Variants in TCF20 observed in about 807,000 individuals in gnomAD.
TCF20 encodes the protein SPRE-binding protein.
In TCF20, 3 loss-of-function variants were observed where a neutral mutation model predicts 148.6. That is an observed-to-expected ratio of 0.02 (90% CI 0.01 to 0.05). TCF20 has a LOEUF of 0.05. Among genes scored for constraint, TCF20 ranks in the 10% least tolerant of loss-of-function variants. The probability of loss-of-function intolerance (pLI) is 1.00; values close to 1 mark genes in which losing one functional copy is unlikely to be tolerated. For missense variants in TCF20, 2,350 were observed against 2,429.3 expected (o/e 0.97, Z 0.69); for synonymous variants, 1,049 against 909.5 (o/e 1.15, Z -2.76).
rs369817577 is a variant in TCF20 at position 42,210,848 on chromosome 22, T to C, written c.4458A>G (p.Thr1486=). The part of the protein sequence containing the change: ...QGRPDGSLGG[T]APLIFPDSKN... ...TTGAGTCTGGAAAGATTAAAGGTGCTGTTCCACCCAGGGAACCATCTGGTC... is the reference window on the plus strand; with the variant it reads ...TTGAGTCTGGAAAGATTAAAGGTGCCGTTCCACCCAGGGAACCATCTGGTC... Residue 1486 remains threonine, a synonymous_variant, in exon 2 of 6, where the codon ACA becomes ACG. Coordinates refer to ENST00000677622, the MANE Select transcript of TCF20 (RefSeq NM_001378418.1). This position sits in a 1 kb window ranked among gnomAD's most constrained non-coding sequence, Gnocchi z 4.7. The C allele has an allele frequency of 1.2e-6, 2 of 1,614,126 alleles. No individual in the cohort carries two copies. Among genetic ancestry groups the C allele is most frequent in the African/African-American group, 1.3e-5 (1 of 74,932 alleles).
chr22:42,314,237 C>T (rs983997671), intron 1 of TCF20, among the ~76,000 whole-genome samples: 10 of 152,252 alleles, frequency 6.6e-5, no homozygotes, highest in Admixed American at 5.9e-4. Context: ...CTGGAACTGG[C>T]CAGAATCCGT....
At position 42,338,423 on chromosome 22, in the gene TCF20, G is replaced by C. The variant is rs1220718148; in HGVS notation, c.-37+5056C>G. 0.016 allele frequency among the ~76,000 whole-genome samples: 1 copy of C among 64 alleles called. No individual in the cohort carries two copies. Among genetic ancestry groups the C allele is most frequent in the Non-Finnish European group, 0.028 (1 of 36 alleles). The allele number at this position is 64 out of a possible 152,430, so 0.0% of individuals were successfully genotyped here. On this transcript the variant is annotated intron_variant, in intron 1 of 1. Transcript: ENST00000515426. This position sits in a 1 kb window ranked among gnomAD's most constrained non-coding sequence, Gnocchi z 4.0. ...TAAATGGCAGCGCAGAGTCGGGAGG[G>C]GGGTGCCCAGGGGGCCTCAGCAGAG...
intron 1 of TCF20, among the ~76,000 whole-genome samples, chr22:42,312,018 C>G (rs1927545418): frequency 6.6e-6 from 1 of 152,188 alleles, no homozygotes; most frequent in Non-Finnish European, 1.5e-5. Flanking sequence ...TGCCAAAAGG[C>G]AACAGAGAAG....
intron 1 of TCF20, among the ~76,000 whole-genome samples, chr22:42,257,855 C>T (rs1274704040): frequency 1.3e-5 from 2 of 152,194 alleles, no homozygotes; most frequent in Non-Finnish European, 2.9e-5. Context: ...TGAGAGTGCC[C>T]CCCTGCCGCC....
intron 1 of TCF20, among the ~76,000 whole-genome samples, chr22:42,291,134 C>T (rs528213305): frequency 6.6e-6 from 1 of 152,314 alleles, no homozygotes; most frequent in South Asian, 2.1e-4. Flanking sequence ...CTTCTCTGAA[C>T]ATTTTAAGGT....
chr22:42,250,900 G>A (rs1185517805), intron 1 of TCF20, among the ~76,000 whole-genome samples: 1 of 152,226 alleles, frequency 6.6e-6, no homozygotes, highest in African/African-American at 2.4e-5. Context: ...CACATCACAT[G>A]ATGAGGACTG....
chr22:42,203,502 C>T (rs2032577035), intron 2 of TCF20, among the ~76,000 whole-genome samples: 1 of 152,146 alleles, frequency 6.6e-6, no homozygotes, highest in Non-Finnish European at 1.5e-5. Context: ...CTGAAAATTT[C>T]ACTTGATTCC....
chr22:42,170,072 C>T (rs1035547379), intron 3 of TCF20, among the ~76,000 whole-genome samples, 176 bp from the exon 4 acceptor site: 6 of 151,980 alleles, frequency 3.9e-5, no homozygotes, highest in South Asian at 2.1e-4. Context: ...TGATGGATAT[C>T]GGTCACTTAA....
chr22:42,302,076 C>T (rs566156671), intron 1 of TCF20, among the ~76,000 whole-genome samples: 2 of 152,302 alleles, frequency 1.3e-5, no homozygotes, highest in South Asian at 2.1e-4. Context: ...GAGCAAGAGC[C>T]GGCAAAGGAG....
At chr22:42,189,646 T>C (rs1270609776) in intron 2 of TCF20, among the ~76,000 whole-genome samples, 1 of 152,230 alleles carries the variant, frequency 6.6e-6, no homozygotes, top group Non-Finnish European at 1.5e-5. Flanking sequence ...GACTAGGCTT[T>C]ATCAAAGTGA....
intron 1 of TCF20, among the ~76,000 whole-genome samples, chr22:42,314,866 C>G (rs1334690863): frequency 6.6e-6 from 1 of 152,158 alleles, no homozygotes; most frequent in Non-Finnish European, 1.5e-5. Context: ...ACCCCTCCCT[C>G]CAGCCCCGAC....
intron 1 of TCF20, among the ~76,000 whole-genome samples, chr22:42,313,597 CT>C (rs551146210): frequency 5.2e-4 from 62 of 120,292 alleles, no homozygotes; most frequent in East Asian, 2.1e-3. Flanking sequence ...AGAATTCTTT[CT>C]TTTTTTTTTT....
At position 42,279,466 on chromosome 22, in the gene TCF20, C is replaced by T. The variant is rs1025709791; in HGVS notation, c.-37+4361G>A. Among the ~76,000 whole-genome samples the T allele has an allele frequency of 6.6e-6, 1 of 152,148 alleles. No homozygotes were observed. Among genetic ancestry groups the T allele is most frequent in the African/African-American group, 2.4e-5 (1 of 41,426 alleles). On this transcript the variant is annotated intron_variant, in intron 1 of 5. Transcript: ENST00000359486. The surrounding 1 kb of genome is among the most constrained non-coding windows in gnomAD (Gnocchi z 4.3). ...CACTCCAGTCTGGGCAACAGAGCGA[C>T]TCCCTCTCAATAAATAAAATAAAAT...
chr22:42,161,959 G>A (rs933996036), intron 5 of TCF20, among the ~76,000 whole-genome samples: 9 of 140,566 alleles, frequency 6.4e-5, no homozygotes, highest in African/African-American at 2.2e-4. Context: ...CACCATGCTT[G>A]GCTAATGACA....
At chr22:42,301,705 AGGCTGGGGAGACCT>A (rs1351877626) in intron 1 of TCF20, among the ~76,000 whole-genome samples, 1 of 152,212 alleles carries the variant, frequency 6.6e-6, no homozygotes, top group African/African-American at 2.4e-5. Flanking sequence ...CAATGTTTGC[AGGCTGGGGAGACCT>A]GGCTGCGTCC....
intron 2 of TCF20, among the ~76,000 whole-genome samples, chr22:42,195,146 G>A (rs768302757): frequency 6.7e-6 from 1 of 149,098 alleles, no homozygotes; most frequent in Non-Finnish European, 1.5e-5. Flanking sequence ...AACAGGTTTG[G>A]TGGTGATTCA....
Position 42,332,037 on chromosome 22 carries a change from T to G in TCF20, c.-37+11442A>C, listed in dbSNP as rs112167486. ...ACAGATGACAGGAAGGAAGAGTGAG[T>G]GAACCAACGAAAGGCACCGGGGTCC... On this transcript the variant is annotated intron_variant, in intron 1 of 1. Transcript: ENST00000515426. 2.3e-3 allele frequency among the ~76,000 whole-genome samples: 343 copies of G among 152,156 alleles called. 4 individuals carry two copies. The highest frequency in any genetic ancestry group is 0.014 in the Middle Eastern group (4 of 294).
In TCF20 at chr22:42,304,010, C is replaced by T. The variant is rs116109849; in HGVS notation, c.-37+39469G>A. ...GACCATACTCCAGTCTAGCTGTGCCCGGGAAGGTCTGCCCCACCCCCCTGC... is the reference window on the plus strand; with the variant it reads ...GACCATACTCCAGTCTAGCTGTGCCTGGGAAGGTCTGCCCCACCCCCCTGC... On this transcript the variant is annotated intron_variant, in intron 1 of 1. Coordinates refer to the TCF20 transcript ENST00000515426. Among the ~76,000 whole-genome samples, 1,051 of 152,126 alleles carry T rather than the reference C, an allele frequency of 6.9e-3. 12 individuals carry two copies. The highest frequency in any genetic ancestry group is 0.024 in the African/African-American group (992 of 41,472).
intron 1 of TCF20, among the ~76,000 whole-genome samples, chr22:42,238,314 GAA>G (rs1569175380): frequency 1.3e-5 from 2 of 152,194 alleles, no homozygotes; most frequent in Admixed American, 6.5e-5. Context: ...AGTGAAAAGA[GAA>G]AGTCTTGCTC....
Sources: gnomAD v4.1 joint callset for allele counts (sites outside exome capture counted in the v4.1 genomes callset) on GRCh38, gnomAD v4.1.1 for gene constraint, Gnocchi (gnomAD v3.1) non-coding constraint, MANE v1.5 for transcripts, NCBI Gene and HGNC (gene_info 2026-07-23, HGNC 2026-07-21) for gene names.